PCDH11X: variants seen among roughly 807,000 people sequenced by gnomAD.
The protein encoded by PCDH11X is protocadherin 11 X-linked, also known as protocadherin-11 X-linked.
Under a neutral mutation model 53.3 loss-of-function variants are expected in PCDH11X, and 18 were observed. The ratio of observed to expected loss-of-function variants is 0.34; its 90% CI spans 0.23 to 0.50. The LOEUF (loss-of-function observed/expected upper bound fraction) is 0.50. Among genes scored for constraint, PCDH11X ranks in the 20% least tolerant of loss-of-function variants. The probability of loss-of-function intolerance (pLI) is 0.98; values close to 1 mark genes in which losing one functional copy is unlikely to be tolerated. For synonymous variants in PCDH11X, 279 were observed against 393.3 expected, an observed-to-expected ratio of 0.71 and a Z score of 3.44; for missense variants, 570 against 1,032.4, an observed-to-expected ratio of 0.55 and a Z score of 6.14.
intron 6 of PCDH11X, among the ~76,000 whole-genome samples, chrX:91,940,122 G>A (rs1362016000): frequency 3.6e-5 from 4 of 110,237 alleles, no homozygotes; most frequent in Non-Finnish European, 7.6e-5. Context: ...TAATGAGTGA[G>A]TTCTCATTAG....
At chrX:92,444,198 G>T (rs1419944032) in intron 9 of PCDH11X, among the ~76,000 whole-genome samples, 3 of 107,007 alleles carry the variant, frequency 2.8e-5, no homozygotes, top group African/African-American at 1.0e-4. Context: ...TGTCATCTCT[G>T]ATTTCTTTGA....
intron 1 of PCDH11X, among the ~76,000 whole-genome samples, chrX:91,782,761 G>A (rs1935195926): frequency 9.0e-6 from 1 of 111,697 alleles, no homozygotes; most frequent in Non-Finnish European, 1.9e-5. Context: ...GATGATGCAG[G>A]AATAGGTTTC....
chrX:92,248,244 G>T (rs749094776), intron 7 of PCDH11X, among the ~76,000 whole-genome samples: 1 of 111,268 alleles, frequency 9.0e-6, no homozygotes, highest in African/African-American at 3.3e-5. Context: ...TTCTCAATCT[G>T]TTATAAGCTA....
At chrX:92,417,458 T>A (rs1383021706) in intron 9 of PCDH11X, among the ~76,000 whole-genome samples, 1 of 110,950 alleles carries the variant, frequency 9.0e-6, no homozygotes. Flanking sequence ...TGTAATTGAA[T>A]TATGAATCTT....
intron 10 of PCDH11X, among the ~76,000 whole-genome samples, chrX:92,514,620 A>G (rs1159907989): frequency 9.3e-6 from 1 of 107,940 alleles, no homozygotes; most frequent in Non-Finnish European, 1.9e-5. Context: ...AATCCCAGCT[A>G]CTCGGGCGGC....
At chrX:92,121,835 C>T (rs1484781389) in intron 6 of PCDH11X, among the ~76,000 whole-genome samples, 1 of 108,945 alleles carries the variant, frequency 9.2e-6, no homozygotes. Context: ...AAGTGATTCT[C>T]CTGCCTCGGC....
chrX:92,200,057 T>C (rs1024173098), intron 6 of PCDH11X, among the ~76,000 whole-genome samples: 1 of 111,756 alleles, frequency 8.9e-6, no homozygotes, highest in African/African-American at 3.2e-5. Context: ...CTTTTGGCCA[T>C]TTGCATGTCT....
chrX:92,042,703 A>C (rs1602741762), intron 6 of PCDH11X, among the ~76,000 whole-genome samples: 1 of 79,735 alleles, frequency 1.3e-5, no homozygotes, highest in East Asian at 4.9e-4. Flanking sequence ...TAGTGGGGTG[A>C]TCTCAGCTCA....
chrX:92,356,224 A>G (rs1214187929), intron 8 of PCDH11X, among the ~76,000 whole-genome samples: 1 of 111,888 alleles, frequency 8.9e-6, no homozygotes, highest in Non-Finnish European at 1.9e-5. Flanking sequence ...ACTGCAAGTT[A>G]TATTACTTTA....
chrX:92,410,129 T>C (rs2071610588), intron 9 of PCDH11X, among the ~76,000 whole-genome samples: 1 of 111,440 alleles, frequency 9.0e-6, no homozygotes, highest in African/African-American at 3.3e-5. Flanking sequence ...GTAGCATCAG[T>C]ATAATTTATT....
Position 92,101,209 on chromosome X carries a change from A to T in PCDH11X, c.3034-100166A>T, listed in dbSNP as rs189000848. On this transcript the variant is annotated intron_variant, in intron 6 of 10. Coordinates refer to ENST00000682573, the MANE Select transcript of PCDH11X (RefSeq NM_032968.5). ...GCAGGGCATGTATGAGTAGTTGAGA[A>T]CGGAGAATAGGAGTATGACTAGACA... Among the ~76,000 whole-genome samples the T allele has an allele frequency of 2.1e-3, 232 of 111,524 alleles. 1 individual carries two copies. Among genetic ancestry groups the T allele is most frequent in the African/African-American group, 7.1e-3 (217 of 30,673 alleles).
chrX:92,435,761 A>G (rs1288021033), intron 9 of PCDH11X, among the ~76,000 whole-genome samples: 1 of 111,467 alleles, frequency 9.0e-6, no homozygotes, highest in Non-Finnish European at 1.9e-5. Context: ...TTACCACCAG[A>G]CCTGTCTTAT....
At chrX:92,357,758 G>A (rs2070245229) in intron 8 of PCDH11X, among the ~76,000 whole-genome samples, 1 of 111,258 alleles carries the variant, frequency 9.0e-6, no homozygotes, top group Non-Finnish European at 1.9e-5. Flanking sequence ...AAGATACCCT[G>A]TATTACTTGT....
At chrX:92,287,368 T>A (rs902392250) in intron 8 of PCDH11X, among the ~76,000 whole-genome samples, 6 of 111,137 alleles carry the variant, frequency 5.4e-5, no homozygotes, top group African/African-American at 2.0e-4. Context: ...CCCTGGTGTG[T>A]GTTGTTCCTG....
intron 6 of PCDH11X, among the ~76,000 whole-genome samples, chrX:92,043,293 C>G (rs2063238352): frequency 9.1e-6 from 1 of 109,689 alleles, no homozygotes; most frequent in Non-Finnish European, 1.9e-5. Context: ...CTTAGCTTTA[C>G]TGTTTTCCCT....
chrX:92,112,093 C>G (rs1018956322), intron 6 of PCDH11X, among the ~76,000 whole-genome samples: 1 of 93,890 alleles, frequency 1.1e-5, no homozygotes, highest in Non-Finnish European at 2.0e-5. Flanking sequence ...CTGATTATCA[C>G]ACAACCAGGA....
At chrX:92,212,356 A>T (rs1467638225) in intron 7 of PCDH11X, among the ~76,000 whole-genome samples, 1 of 109,286 alleles carries the variant, frequency 9.2e-6, no homozygotes, top group Non-Finnish European at 1.9e-5. Context: ...TTATTATTTT[A>T]TTTTATTTTT....
At chrX:92,402,553 A>T (rs1255296703) in intron 9 of PCDH11X, among the ~76,000 whole-genome samples, 1 of 111,966 alleles carries the variant, frequency 8.9e-6, no homozygotes, top group East Asian at 2.8e-4. Flanking sequence ...CCTATTCAAT[A>T]AATGGTGCTG....
intron 6 of PCDH11X, among the ~76,000 whole-genome samples, chrX:92,097,472 A>G (rs2064160103): frequency 9.1e-6 from 1 of 109,627 alleles, no homozygotes; most frequent in South Asian, 3.9e-4. Context: ...TATTTTTTTC[A>G]TTACACCATT....
Sources: gnomAD v4.1 joint callset for allele counts (sites outside exome capture counted in the v4.1 genomes callset) on GRCh38, gnomAD v4.1.1 for gene constraint, MANE v1.5 for transcripts, NCBI Gene and HGNC (gene_info 2026-07-23, HGNC 2026-07-21) for gene names.